The following SLC5A7 variants were observed in gnomAD, a reference collection of about 807,000 sequenced individuals.
The protein encoded by SLC5A7 is solute carrier family 5 member 7.
SLC5A7 carries 19 observed loss-of-function variants against 55.4 expected under a neutral mutation model. The ratio of observed to expected loss-of-function variants is 0.34; its 90% CI spans 0.24 to 0.50. SLC5A7 has a LOEUF of 0.50. SLC5A7 is among the 20% of genes least tolerant of loss of function. SLC5A7 has a pLI of 0.98. For synonymous variants in SLC5A7, 265 were observed against 263.7 expected (o/e 1.00, Z -0.05); for missense variants, 506 against 705.3 (o/e 0.72, Z 3.20).
In SLC5A7 at chr2:107,988,311, G is replaced by T. The variant is rs1677325180; in HGVS notation, c.156G>T (p.Leu52Phe). ...IIVGGRDIGLLVGGFTMTATW... is the reference protein window; with the variant it reads ...IIVGGRDIGLFVGGFTMTATW... ...TTGGTGGCCGAGATATTGGTTTATT[G>T]GTTGGTGGATTTACCATGACAGGTA... The change falls in exon 2 of 9, where the codon TTG (leucine) becomes TTT (phenylalanine). Residue 52 changes from leucine (L) to phenylalanine (F), a missense_variant. Transcript: ENST00000264047. 19 of 1,613,722 alleles carry T rather than the reference G, an allele frequency of 1.2e-5. No individual in the cohort carries two copies. The highest frequency in any genetic ancestry group is 1.6e-5 in the Non-Finnish European group (19 of 1,179,706).
intron 6 of SLC5A7, among the ~76,000 whole-genome samples, chr2:108,005,011 T>G (rs959699434): frequency 7.2e-5 from 11 of 152,218 alleles, no homozygotes; most frequent in African/African-American, 2.7e-4. Flanking sequence ...AATAAGAAAT[T>G]TAAGCACATT....
At chr2:107,996,536 T>C (rs1341676190) in intron 4 of SLC5A7, among the ~76,000 whole-genome samples, 3 of 152,216 alleles carry the variant, frequency 2.0e-5, no homozygotes, top group African/African-American at 7.2e-5. Context: ...ACAACTCAGC[T>C]GGCTGCAACT....
chr2:108,002,927 G>A (rs2104366589), intron 6 of SLC5A7, among the ~76,000 whole-genome samples: 1 of 152,190 alleles, frequency 6.6e-6, no homozygotes, highest in Non-Finnish European at 1.5e-5. Flanking sequence ...GGTTATTTTT[G>A]TTTTCTCTGT....
At chr2:107,995,470 A>AGAGAGAGAGT (rs1405177003) in intron 4 of SLC5A7, among the ~76,000 whole-genome samples, 1 of 137,166 alleles carries the variant, frequency 7.3e-6, no homozygotes, top group African/African-American at 2.8e-5. Context: ...AGAGAGAGAG[A>AGAGAGAGAGT]GTGTGTGTGT....
intron 5 of SLC5A7, among the ~76,000 whole-genome samples, chr2:108,001,669 T>G: frequency 8.5e-6 from 1 of 117,474 alleles, no homozygotes; most frequent in Non-Finnish European, 1.7e-5. Context: ...CGAGACTCCG[T>G]CTCAAAAAAA....
At chr2:107,992,853 G>C in intron 3 of SLC5A7, 119 bp from the exon 4 acceptor site, 4 of 1,044,452 alleles carry the variant, frequency 3.8e-6, no homozygotes, top group Non-Finnish European at 5.6e-6. Context: ...GTGCAGACTT[G>C]TTCCTCAATC....
chr2:108,003,012 G>A (rs1677975846), intron 6 of SLC5A7, among the ~76,000 whole-genome samples: 2 of 152,158 alleles, frequency 1.3e-5, no homozygotes, highest in African/African-American at 4.8e-5. Context: ...AACACTCAAA[G>A]TGACTGTGTC....
In SLC5A7 at chr2:108,012,764, G is replaced by A. The variant is rs1163163937; in HGVS notation, c.*1903G>A. 6.6e-6 allele frequency: 1 copy of A among 152,082 alleles called. No individual in the cohort carries two copies. The highest frequency in any genetic ancestry group is 1.5e-5 in the Non-Finnish European group (1 of 68,004). 9.4% of individuals were successfully genotyped at this position (152,082 alleles called of 1,614,324 possible). A position where few individuals can be genotyped will look rare whatever the true frequency, so the allele number is the denominator to read the frequency against. On this transcript the variant is annotated 3_prime_UTR_variant, in exon 9 of 9. Transcript: ENST00000264047. ...GGAACCAGTAAGTATGGGAGTCCAC[G>A]ATTCTCAGGTATTGATTGAAAAAAG...
At chr2:107,987,186 G>A (rs1426723529) in intron 1 of SLC5A7, among the ~76,000 whole-genome samples, 2 of 152,002 alleles carry the variant, frequency 1.3e-5, no homozygotes, top group Non-Finnish European at 2.9e-5. Context: ...GAGAGTTTGG[G>A]TTCATGGAAC....
At chr2:107,997,126 T>C (rs115806411) in intron 4 of SLC5A7, among the ~76,000 whole-genome samples, 515 of 152,358 alleles carry the variant, frequency 3.4e-3, no homozygotes, top group Non-Finnish European at 4.0e-3. Context: ...GTGTTTTTCA[T>C]AGATGTGACT....
At chr2:107,991,648 A>G (rs914050589) in intron 2 of SLC5A7, among the ~76,000 whole-genome samples, 4 of 152,146 alleles carry the variant, frequency 2.6e-5, no homozygotes, top group Non-Finnish European at 5.9e-5. Context: ...TGAGGACAGT[A>G]TAAAAACATC....
chr2:108,002,470 T>A (rs1049080006), intron 6 of SLC5A7, among the ~76,000 whole-genome samples: 1 of 151,986 alleles, frequency 6.6e-6, no homozygotes, highest in African/African-American at 2.4e-5. Flanking sequence ...AGGCCCTAAG[T>A]GAGGCAGGTT....
At position 107,995,853 on chromosome 2, in the gene SLC5A7, C is replaced by A. The variant is rs147294130; in HGVS notation, c.449-1985C>A. Among the ~76,000 whole-genome samples the A allele has an allele frequency of 9.3e-3, 1,420 of 152,206 alleles. 81 individuals carry two copies. Among genetic ancestry groups the A allele is most frequent in the Admixed American group, 0.087 (1,325 of 15,254 alleles). Reference sequence around the variant, plus strand: ...GCTCAAGTTCAGTGGATTTTCATAACTTTGCAGGATACTTATTTTATAGCT... The same window carrying A: ...GCTCAAGTTCAGTGGATTTTCATAAATTTGCAGGATACTTATTTTATAGCT... On this transcript the variant is annotated intron_variant, in intron 4 of 8. Transcript: ENST00000264047.
rs1232306531 is a variant in SLC5A7, at chr2:108,013,007, C to T, written c.*2146C>T. 2 of 152,098 alleles carry T rather than the reference C, an allele frequency of 1.3e-5. No individual in the cohort carries two copies. The highest frequency in any genetic ancestry group is 2.4e-5 in the African/African-American group (1 of 41,416). The allele number at this position is 152,098 out of a possible 1,614,324, so 9.4% of individuals were successfully genotyped here. A position where few individuals can be genotyped will look rare whatever the true frequency, so the allele number is the denominator to read the frequency against. On this transcript the variant is annotated 3_prime_UTR_variant, in exon 9 of 9. Coordinates refer to ENST00000264047, the MANE Select transcript of SLC5A7 (RefSeq NM_021815.5). ...AGGCACAGACTTCCACCATGTGCAT[C>T]AGGAAACACCTCACTCATACTGTCA...
chr2:108,007,297 T>C (rs893795234), intron 7 of SLC5A7, among the ~76,000 whole-genome samples: 16 of 152,282 alleles, frequency 1.1e-4, no homozygotes, highest in Non-Finnish European at 1.5e-4. Context: ...TTGGATTGTT[T>C]AACTTTTAGG....
At chr2:108,000,523 C>A (rs1473406941) in intron 5 of SLC5A7, among the ~76,000 whole-genome samples, 1 of 152,084 alleles carries the variant, frequency 6.6e-6, no homozygotes, top group African/African-American at 2.4e-5. Flanking sequence ...ATATTGAACT[C>A]CTGGACTCAA....
chr2:107,995,415 A>G (rs892941741), intron 4 of SLC5A7, among the ~76,000 whole-genome samples: 1 of 151,806 alleles, frequency 6.6e-6, no homozygotes, highest in East Asian at 1.9e-4. Flanking sequence ...CATATATAAA[A>G]ACATTGCTGC....
At chr2:108,003,245 T>A (rs1677982724) in intron 6 of SLC5A7, among the ~76,000 whole-genome samples, 1 of 152,218 alleles carries the variant, frequency 6.6e-6, no homozygotes, top group African/African-American at 2.4e-5. Context: ...ATAGAGAGGA[T>A]GAGACTTAGA....
rs3731684 is a variant in SLC5A7 at position 108,002,058 on chromosome 2, C to T, written c.741+18C>T. 170,038 of 1,595,768 alleles carry T rather than the reference C, an allele frequency of 0.11. 10,120 individuals are homozygous for T. The highest frequency in any genetic ancestry group is 0.23 in the Admixed American group (13,172 of 57,660). On this transcript the variant is annotated intron_variant, in intron 6 of 8. Transcript: ENST00000264047. ...TGTTGTTGGTAAGTAATGCTCTTAC[C>T]TGAAGAATGTGATTTAATTGTTCCT...
Sources: gnomAD v4.1 joint callset for allele counts (sites outside exome capture counted in the v4.1 genomes callset) on GRCh38, gnomAD v4.1.1 for gene constraint, MANE v1.5 for transcripts, NCBI Gene and HGNC (gene_info 2026-07-23, HGNC 2026-07-21) for gene names.